Variants in RSRC1 observed in about 807,000 individuals in gnomAD.
RSRC1 encodes serine/Arginine-related protein 53.
A neutral mutation model predicts 49.1 loss-of-function variants in RSRC1; 39 were observed. The observed-to-expected ratio is 0.79, with a 90% CI of 0.61 to 1.04. RSRC1 has a LOEUF of 1.04. Among genes scored for constraint, RSRC1 ranks in the 50% least tolerant of loss-of-function variants. The probability of loss-of-function intolerance (pLI) is 0.00; values close to 1 mark genes in which losing one functional copy is unlikely to be tolerated. For synonymous variants in RSRC1, 143 were observed against 130.8 expected (o/e 1.09, Z -0.63); for missense variants, 388 against 402.4 (o/e 0.96, Z 0.31).
chr3:158,309,616 T>C, intron 5 of RSRC1, among the ~76,000 whole-genome samples: 1 of 151,796 alleles, frequency 6.6e-6, no homozygotes. Context: ...TGCTAGATCT[T>C]ATACTGGTAC....
chr3:158,132,483 G>A (rs1716099222), intron 3 of RSRC1, among the ~76,000 whole-genome samples: 1 of 152,144 alleles, frequency 6.6e-6, no homozygotes, highest in Non-Finnish European at 1.5e-5. Context: ...TGGGTAGAAA[G>A]ATTGGACTAC....
At chr3:158,200,196 C>G (rs1720954019) in intron 3 of RSRC1, among the ~76,000 whole-genome samples, 1 of 152,068 alleles carries the variant, frequency 6.6e-6, no homozygotes, top group Non-Finnish European at 1.5e-5. Context: ...CGCCACCATG[C>G]CCAGCTAATT....
chr3:158,400,990 G>A (rs2108308101), intron 6 of RSRC1, among the ~76,000 whole-genome samples: 1 of 151,976 alleles, frequency 6.6e-6, no homozygotes, highest in East Asian at 1.9e-4. Flanking sequence ...TATCTTTTCT[G>A]TGTTGAGATA....
chr3:158,295,951 T>C (rs1727211846), intron 4 of RSRC1, among the ~76,000 whole-genome samples: 1 of 152,052 alleles, frequency 6.6e-6, no homozygotes, highest in African/African-American at 2.4e-5. Context: ...GTGTGAACAT[T>C]AATATCTTTC....
intron 4 of RSRC1, among the ~76,000 whole-genome samples, chr3:158,284,311 G>A (rs1028476543): frequency 1.3e-5 from 2 of 151,562 alleles, no homozygotes; most frequent in African/African-American, 4.9e-5. Context: ...AGTTGGACTG[G>A]TTCCAAGTCT....
At chr3:158,225,706 A>G in intron 4 of RSRC1, 1 of 453,230 alleles carries the variant, frequency 2.2e-6, no homozygotes, top group Non-Finnish European at 4.4e-6. Flanking sequence ...ATCTAACAGG[A>G]AGAGAAAAGT....
intron 6 of RSRC1, among the ~76,000 whole-genome samples, chr3:158,390,140 C>A (rs73017464): frequency 0.056 from 8,541 of 152,244 alleles, 818 homozygotes; most frequent in African/African-American, 0.2. Context: ...CTTCTTTGAA[C>A]TCCTTTCATG....
At chr3:158,521,103 C>T (rs1476923510) in intron 7 of RSRC1, among the ~76,000 whole-genome samples, 1 of 152,058 alleles carries the variant, frequency 6.6e-6, no homozygotes, top group East Asian at 1.9e-4. Flanking sequence ...TCTCCATTCC[C>T]GAAGATCACA....
intron 5 of RSRC1, among the ~76,000 whole-genome samples, chr3:158,325,010 G>T (rs529755821): frequency 1.3e-4 from 20 of 152,286 alleles, no homozygotes; most frequent in East Asian, 7.7e-4. Flanking sequence ...TCATGTGTCT[G>T]TTGGCTGCAT....
intron 6 of RSRC1, among the ~76,000 whole-genome samples, chr3:158,384,454 A>AT (rs1206435660): frequency 6.6e-6 from 1 of 152,168 alleles, no homozygotes; most frequent in Non-Finnish European, 1.5e-5. Context: ...GAGCAAGTAT[A>AT]CAGCTAATGA....
At chr3:158,177,394 A>G (rs755949459) in intron 3 of RSRC1, among the ~76,000 whole-genome samples, 1 of 152,192 alleles carries the variant, frequency 6.6e-6, no homozygotes, top group South Asian at 2.1e-4. Flanking sequence ...AACCAACCCA[A>G]ATGCCCATCA....
At position 158,485,204 on chromosome 3, in the gene RSRC1, C is replaced by G. The variant is rs187438427; in HGVS notation, c.652+24201C>G. Among the ~76,000 whole-genome samples the G allele has an allele frequency of 1.4e-4, 22 of 152,032 alleles. No individual in the cohort carries two copies. In the East Asian group the frequency reaches 4.2e-3, roughly 29 times the overall value. The stretch of plus-strand genomic sequence containing the variant: ...TTATGTATCTTGTTTACTAAAAAGT[C>G]CACTTGGATGTGTCATAATTACCTG... On this transcript the variant is annotated intron_variant, in intron 7 of 9. Transcript: ENST00000611884.
intron 4 of RSRC1, among the ~76,000 whole-genome samples, chr3:158,243,110 T>C (rs932270496): frequency 2.0e-5 from 3 of 152,246 alleles, no homozygotes; most frequent in African/African-American, 7.2e-5. Flanking sequence ...GTCTTTGTCA[T>C]GAAATCTTTG....
intron 3 of RSRC1, among the ~76,000 whole-genome samples, chr3:158,194,501 T>C (rs1720439851): frequency 6.6e-6 from 1 of 151,516 alleles, no homozygotes; most frequent in African/African-American, 2.4e-5. Flanking sequence ...CTTTTTTTTT[T>C]TTTTTTTAAT....
chr3:158,305,607 A>G (rs1553782974), intron 5 of RSRC1, among the ~76,000 whole-genome samples: 1 of 152,058 alleles, frequency 6.6e-6, no homozygotes, highest in Non-Finnish European at 1.5e-5. Context: ...AACTGTAGAG[A>G]GAGAACTAGC....
At chr3:158,211,615 A>T (rs575905669) in intron 4 of RSRC1, among the ~76,000 whole-genome samples, 1 of 152,132 alleles carries the variant, frequency 6.6e-6, no homozygotes, top group Non-Finnish European at 1.5e-5. Context: ...AGATAAGGAA[A>T]GGTGCCCTAG....
intron 7 of RSRC1, among the ~76,000 whole-genome samples, chr3:158,507,190 G>GTAGA (rs1028968907): frequency 3.9e-5 from 6 of 152,082 alleles, no homozygotes; most frequent in African/African-American, 1.4e-4. Context: ...AGCTAAAAGG[G>GTAGA]TAGATCTCAT....
chr3:158,497,524 C>A (rs1262633088), intron 7 of RSRC1, among the ~76,000 whole-genome samples: 1 of 151,448 alleles, frequency 6.6e-6, no homozygotes, highest in African/African-American at 2.4e-5. Context: ...GCAACCTCTG[C>A]CCCCCGGGTT....
At chr3:158,419,081 T>TTGAGTGTTATTTAGTCACA in intron 6 of RSRC1, among the ~76,000 whole-genome samples, 1 of 152,124 alleles carries the variant, frequency 6.6e-6, no homozygotes, top group South Asian at 2.1e-4. Flanking sequence ...TTTAGTCACA[T>TTGAGTGTTATTTAGTCACA]TGAGTGTTAT....
Sources: allele counts gnomAD v4.1 joint callset (sites outside exome capture counted in the v4.1 genomes callset), GRCh38; gene constraint gnomAD v4.1.1; transcripts MANE v1.5; gene names NCBI Gene and HGNC (gene_info 2026-07-23, HGNC 2026-07-21).